Variants in KIAA1328 observed in about 807,000 individuals in gnomAD.
KIAA1328 encodes the protein KIAA1328.
In KIAA1328, 52 loss-of-function variants were observed where a neutral mutation model predicts 68.1. The ratio of observed to expected loss-of-function variants is 0.76; its 90% CI spans 0.61 to 0.96. The LOEUF (loss-of-function observed/expected upper bound fraction) is 0.96, where lower values mean the gene tolerates loss of function less well. KIAA1328 is among the 40% of genes least tolerant of loss of function. The pLI is 0.00. For missense variants in KIAA1328, 641 were observed against 677.6 expected (o/e 0.95, Z 0.60); for synonymous variants, 232 against 239.4 (o/e 0.97, Z 0.28).
chr18:37,184,019 T>C lies in KIAA1328; in HGVS notation c.1523+10938T>C, dbSNP rs139212010. Reference sequence around the variant, plus strand: ...TTTCTATTATTTTCTGTTCTTTTCATTCCTGCACTAGAGCAGAGCCTGGCT... The same window carrying C: ...TTTCTATTATTTTCTGTTCTTTTCACTCCTGCACTAGAGCAGAGCCTGGCT... On this transcript the variant is annotated intron_variant, in intron 9 of 9. Coordinates refer to ENST00000280020, the MANE Select transcript of KIAA1328 (RefSeq NM_020776.3). Among the ~76,000 whole-genome samples, 384 of 152,360 alleles carry C rather than the reference T, an allele frequency of 2.5e-3. 3 individuals are homozygous for C. Among genetic ancestry groups the C allele is most frequent in the Non-Finnish European group, 2.3e-3 (154 of 68,042 alleles).
chr18:37,025,577 A>C (rs1397095031), intron 6 of KIAA1328, among the ~76,000 whole-genome samples: 1 of 152,186 alleles, frequency 6.6e-6, no homozygotes, highest in East Asian at 1.9e-4. Flanking sequence ...ACTCACTCAA[A>C]ACCGCTCAAC....
At chr18:36,900,711 T>G (rs1305320050) in intron 5 of KIAA1328, among the ~76,000 whole-genome samples, 1 of 152,044 alleles carries the variant, frequency 6.6e-6, no homozygotes, top group African/African-American at 2.4e-5. Context: ...CAGTGATGTT[T>G]CTGTCAGCCT....
chr18:37,143,521 C>CTTTTTTTTTTTTTTTTTTTTTTTTTTT (rs57046567), intron 7 of KIAA1328, among the ~76,000 whole-genome samples: 9 of 90,774 alleles, frequency 9.9e-5, no homozygotes, highest in African/African-American at 2.9e-4. Flanking sequence ...TTTTTTCTTT[C>CTTTTTTTTTTTTTTTTTTTTTTTTTTT]TTTTTTTTTT....
intron 6 of KIAA1328, among the ~76,000 whole-genome samples, chr18:36,966,413 C>A (rs1277194326): frequency 2.0e-5 from 3 of 151,958 alleles, no homozygotes; most frequent in Non-Finnish European, 4.4e-5. Context: ...ATTGAGCTTA[C>A]AAGATATAAA....
intron 5 of KIAA1328, among the ~76,000 whole-genome samples, chr18:36,950,218 CA>C (rs1193275435): frequency 6.6e-5 from 10 of 151,940 alleles, no homozygotes; most frequent in Non-Finnish European, 1.5e-4. Flanking sequence ...GGTCAGAAAC[CA>C]TATTTAAGAT....
intron 7 of KIAA1328, among the ~76,000 whole-genome samples, chr18:37,105,178 A>G (rs2057735485): frequency 1.3e-5 from 2 of 152,188 alleles, no homozygotes; most frequent in Non-Finnish European, 2.9e-5. Context: ...CATCAGTAAA[A>G]TTGTAAAATT....
rs2154226490 is a variant in KIAA1328 at position 37,223,104 on chromosome 18, T to C, written c.*877T>C. The C allele has an allele frequency of 2.1e-6, 2 of 959,450 alleles. No homozygotes were observed. The highest frequency in any genetic ancestry group is 2.4e-6 in the Non-Finnish European group (2 of 824,754). The allele number at this position is 959,450 out of a possible 1,614,324, so 59.4% of individuals were successfully genotyped here. On this transcript the variant is annotated 3_prime_UTR_variant, in exon 10 of 10. Coordinates refer to ENST00000280020, the MANE Select transcript of KIAA1328 (RefSeq NM_020776.3). ...CCTGTGAACTTTCCATGGTTATGTC[T>C]ACGGAAAATGCCACTAGAGAGAGAG... is the stretch of plus-strand genomic sequence containing the variant.
intron 4 of KIAA1328, among the ~76,000 whole-genome samples, chr18:36,857,080 C>T (rs2047408669): frequency 6.6e-6 from 1 of 152,074 alleles, no homozygotes; most frequent in South Asian, 2.1e-4. Flanking sequence ...CCCTTAGCCT[C>T]CTTGCACTGC....
rs187430419 is a variant in KIAA1328, at chr18:36,958,698, T to C, written c.449-610T>C. Among the ~76,000 whole-genome samples, 39 of 152,334 alleles carry C rather than the reference T, an allele frequency of 2.6e-4. No individual in the cohort carries two copies. The East Asian group carries it at 7.5e-3, about 29-fold the overall frequency. ...TTAAATTGTACTAATTATCTTTTTA[T>C]TGTTTAGTTGTACAAGTTGTATATA... On this transcript the variant is annotated intron_variant, in intron 5 of 9. Transcript: ENST00000280020.
At chr18:36,888,833 A>G (rs2048586433) in intron 5 of KIAA1328, among the ~76,000 whole-genome samples, 1 of 152,192 alleles carries the variant, frequency 6.6e-6, no homozygotes, top group Non-Finnish European at 1.5e-5. Flanking sequence ...CCTATCATAC[A>G]TGAATGATTC....
rs182756217 is a variant in KIAA1328, at chr18:36,846,765, G to T, written c.332+2463G>T. On this transcript the variant is annotated intron_variant, in intron 4 of 9. Transcript: ENST00000280020. ...TTTCCCTCTACCTAATGGTTTGGAT[G>T]GGGGGTGGTAAAGTACACCTAACAT... Among the ~76,000 whole-genome samples, 24 of 151,516 alleles carry T rather than the reference G, an allele frequency of 1.6e-4. No individual in the cohort carries two copies. The East Asian group carries it at 3.5e-3, about 22-fold the overall frequency.
intron 7 of KIAA1328, among the ~76,000 whole-genome samples, chr18:37,115,792 A>G (rs1035260411): frequency 6.6e-6 from 1 of 152,234 alleles, no homozygotes; most frequent in East Asian, 1.9e-4. Context: ...AATCTCCTTA[A>G]GCTGATAAGC....
chr18:37,225,583 G>C (rs376998696), downstream of KIAA1328, among the ~76,000 whole-genome samples: 41 of 152,300 alleles, frequency 2.7e-4, no homozygotes, highest in African/African-American at 9.6e-4. Context: ...GTGCTTGTTG[G>C]AACAGAACAT....
Position 37,067,288 on chromosome 18 carries a change from T to C in KIAA1328, c.975T>C (p.Pro325=). 6.2e-7 allele frequency: 1 copy of C among 1,613,968 alleles called. No homozygotes were observed. Among genetic ancestry groups the C allele is most frequent in the Non-Finnish European group, 8.5e-7 (1 of 1,179,870 alleles). Residue 325 remains proline, a synonymous_variant, in exon 7 of 10, where the codon CCT becomes CCC. Coordinates refer to ENST00000280020, the MANE Select transcript of KIAA1328 (RefSeq NM_020776.3). ...ACAGCCATCCTACAAACATGACCCC[T>C]CAACATCCTAAGACACATCCAGAAT... ...VHDSHPTNMT[P]QHPKTHPESC... is the part of the protein sequence containing the mutation.
intron 5 of KIAA1328, among the ~76,000 whole-genome samples, chr18:36,934,449 A>T (rs894175524): frequency 6.6e-6 from 1 of 151,952 alleles, no homozygotes; most frequent in Non-Finnish European, 1.5e-5. Context: ...TCCTAATGCT[A>T]TCCCTCCCTC....
At chr18:37,213,394 C>T (rs1043054953) in intron 9 of KIAA1328, among the ~76,000 whole-genome samples, 2 of 152,068 alleles carry the variant, frequency 1.3e-5, no homozygotes, top group African/African-American at 2.4e-5. Flanking sequence ...TGAGAATATG[C>T]GGTGTTTGGT....
chr18:36,902,648 A>ATG (rs2049080984), intron 5 of KIAA1328, among the ~76,000 whole-genome samples: 1 of 152,102 alleles, frequency 6.6e-6, no homozygotes, highest in Admixed American at 6.6e-5. Context: ...TATCCATAAG[A>ATG]TATCAAACAA....
At chr18:37,023,121 T>A (rs2054411300) in intron 6 of KIAA1328, among the ~76,000 whole-genome samples, 1 of 152,166 alleles carries the variant, frequency 6.6e-6, no homozygotes, top group African/African-American at 2.4e-5. Flanking sequence ...GCTTCAACTT[T>A]CTGGGCTCAA....
chr18:37,008,671 A>G (rs1207817854), intron 6 of KIAA1328, among the ~76,000 whole-genome samples: 1 of 152,224 alleles, frequency 6.6e-6, no homozygotes, highest in Non-Finnish European at 1.5e-5. Flanking sequence ...ACTTGAAATT[A>G]ATGGATAGAA....
Sources: allele counts gnomAD v4.1 joint callset (sites outside exome capture counted in the v4.1 genomes callset), GRCh38; gene constraint gnomAD v4.1.1; transcripts MANE v1.5; gene names NCBI Gene and HGNC (gene_info 2026-07-23, HGNC 2026-07-21).